Variants in SORBS2 observed in about 807,000 individuals in gnomAD.
SORBS2 encodes sorbin and SH3 domain-containing protein 2.
Under a neutral mutation model 97.7 loss-of-function variants are expected in SORBS2, and 46 were observed. That is an observed-to-expected ratio of 0.47 (90% CI 0.37 to 0.60). The LOEUF (loss-of-function observed/expected upper bound fraction) is 0.60. Among genes scored for constraint, SORBS2 ranks in the 20% least tolerant of loss-of-function variants. SORBS2 has a pLI of 0.00. For missense variants in SORBS2, 1,316 were observed against 1,282.3 expected, an observed-to-expected ratio of 1.03 and a Z score of -0.40; for synonymous variants, 476 against 473.4, an observed-to-expected ratio of 1.01 and a Z score of -0.07.
At chr4:185,821,774 G>A (rs2099196948) in intron 1 of SORBS2, among the ~76,000 whole-genome samples, 1 of 152,208 alleles carries the variant, frequency 6.6e-6, no homozygotes, top group Non-Finnish European at 1.5e-5. Context: ...TTGCATTTTA[G>A]AATAGGAGCT....
exon 15 of SORBS2, chr4:185,585,865 T>C (rs2095795839): frequency 6.6e-6 from 1 of 152,246 alleles, no homozygotes. Flanking sequence ...TTCTTCCTAA[T>C]GAAATTCCCT....
intron 2 of SORBS2, among the ~76,000 whole-genome samples, chr4:185,766,515 ACATATTTT>A (rs34386095): frequency 0.77 from 117,371 of 151,824 alleles, 45,806 homozygotes; most frequent in African/African-American, 0.86. Flanking sequence ...TTGTATATTC[ACATATTTT>A]TGTAATTCAC....
chr4:185,820,415 C>T (rs73873399), intron 1 of SORBS2, among the ~76,000 whole-genome samples: 1,733 of 152,340 alleles, frequency 0.011, 44 homozygotes, highest in African/African-American at 0.04. Flanking sequence ...TCTCGGCAGC[C>T]CTAGTTCTTT....
intron 1 of SORBS2, among the ~76,000 whole-genome samples, chr4:185,929,336 G>A (rs759767405): frequency 6.6e-6 from 1 of 152,130 alleles, no homozygotes; most frequent in Non-Finnish European, 1.5e-5. Context: ...ATCCAGTTCT[G>A]AGAAACTTCA....
At chr4:185,848,618 CTTTTTTTTTT>C (rs537195530) in intron 1 of SORBS2, among the ~76,000 whole-genome samples, 23 of 75,634 alleles carry the variant, frequency 3.0e-4, no homozygotes, top group Non-Finnish European at 3.3e-4. Context: ...AAGGATATCT[CTTTTTTTTTT>C]TTTTTTTTTT....
chr4:185,687,094 G>A (rs2097978964), intron 2 of SORBS2, among the ~76,000 whole-genome samples: 1 of 152,134 alleles, frequency 6.6e-6, no homozygotes, highest in Admixed American at 6.5e-5. Context: ...CCAGGCTGGA[G>A]TGTAGTGATG....
intron 2 of SORBS2, among the ~76,000 whole-genome samples, chr4:185,695,726 T>C (rs2098166592): frequency 6.6e-6 from 1 of 152,230 alleles, no homozygotes; most frequent in Non-Finnish European, 1.5e-5. Context: ...GCCAAGTGAT[T>C]TCACTTTTCT....
chr4:185,912,406 G>A (rs1398646096), intron 1 of SORBS2, among the ~76,000 whole-genome samples: 1 of 151,798 alleles, frequency 6.6e-6, no homozygotes, highest in African/African-American at 2.4e-5. Context: ...CCAACATGGT[G>A]AAACCCCGTC....
chr4:185,613,541 G>A (rs1291183992), intron 11 of SORBS2, among the ~76,000 whole-genome samples: 5 of 151,416 alleles, frequency 3.3e-5, no homozygotes, highest in Admixed American at 6.6e-5. Flanking sequence ...CCAGCTAATC[G>A]GGAGGCTGAG....
chr4:185,809,835 G>A (rs543213241), intron 1 of SORBS2, among the ~76,000 whole-genome samples: 35 of 152,286 alleles, frequency 2.3e-4, no homozygotes, highest in African/African-American at 7.9e-4. Flanking sequence ...GCAGTCGGGT[G>A]TGCCCTGGAT....
At chr4:185,841,573 A>G (rs2099211560) in intron 1 of SORBS2, among the ~76,000 whole-genome samples, 1 of 152,198 alleles carries the variant, frequency 6.6e-6, no homozygotes, top group African/African-American at 2.4e-5. Flanking sequence ...GGAAGACAGA[A>G]GAAAAGGAAA....
chr4:185,649,911 C>T (rs2097283231), intron 2 of SORBS2, among the ~76,000 whole-genome samples: 1 of 152,078 alleles, frequency 6.6e-6, no homozygotes, highest in Non-Finnish European at 1.5e-5. Context: ...TCAATTATTT[C>T]AGAACTAGTA....
At chr4:185,612,624 G>A (rs2096559008) in intron 11 of SORBS2, among the ~76,000 whole-genome samples, 1 of 151,934 alleles carries the variant, frequency 6.6e-6, no homozygotes, top group African/African-American at 2.4e-5. Context: ...AAGTAGCTGG[G>A]ATTACAGGCG....
rs2099278586 is a variant in SORBS2, at chr4:185,954,297, C to A, written c.-338+1899G>T. ...CTTTTAAACATAGAAATAAGTAAGACAATAATCTCACATACATTTAAAAAA... is the reference window on the plus strand; with the variant it reads ...CTTTTAAACATAGAAATAAGTAAGAAAATAATCTCACATACATTTAAAAAA... On this transcript the variant is annotated intron_variant, in intron 1 of 20. Transcript: ENST00000284776. 7.2e-5 allele frequency among the ~76,000 whole-genome samples: 11 copies of A among 152,262 alleles called. No homozygotes were observed. The South Asian group carries it at 2.3e-3, about 32-fold the overall frequency.
At chr4:185,664,847 G>A (rs906737213) in intron 4 of SORBS2, among the ~76,000 whole-genome samples, 23 of 151,820 alleles carry the variant, frequency 1.5e-4, no homozygotes, top group African/African-American at 5.3e-4. Context: ...GTGCTTATTC[G>A]GAACTTCATT....
chr4:185,808,836 G>A (rs2099167566), intron 1 of SORBS2, among the ~76,000 whole-genome samples: 1 of 151,976 alleles, frequency 6.6e-6, no homozygotes, highest in Admixed American at 6.5e-5. Flanking sequence ...CTCAACATTA[G>A]TTTTAAACAG....
rs114566343 is a variant in SORBS2, at chr4:185,668,455, C to T, written c.-45-6213G>A. Among the ~76,000 whole-genome samples the T allele has an allele frequency of 1.7e-3, 258 of 152,330 alleles. 3 individuals carry two copies. Among genetic ancestry groups the T allele is most frequent in the African/African-American group, 6.0e-3 (249 of 41,572 alleles). ...TGTGAGTGTAAGGCATGAAATGCCT[C>T]GTGGTGAGTCACATCACACTTAAAT... On this transcript the variant is annotated intron_variant, in intron 4 of 20. Coordinates refer to the SORBS2 transcript ENST00000284776.
intron 11 of SORBS2, among the ~76,000 whole-genome samples, chr4:185,612,449 G>A (rs562280445): frequency 6.6e-6 from 1 of 152,044 alleles, no homozygotes; most frequent in East Asian, 1.9e-4. Context: ...ACCTCTAGAA[G>A]GGAGAACATC....
intron 1 of SORBS2, among the ~76,000 whole-genome samples, chr4:185,898,141 C>T (rs1461239010): frequency 6.6e-6 from 1 of 152,234 alleles, no homozygotes. Context: ...TCTAAATAAA[C>T]TTGTGCCTTT....
Sources: allele counts gnomAD v4.1 joint callset (sites outside exome capture counted in the v4.1 genomes callset), GRCh38; gene constraint gnomAD v4.1.1; transcripts MANE v1.5; gene names NCBI Gene and HGNC (gene_info 2026-07-23, HGNC 2026-07-21).